The following VAV3 variants were observed in gnomAD, a reference collection of about 807,000 sequenced individuals.
VAV3 encodes guanine nucleotide exchange factor VAV3.
VAV3 carries 94 observed loss-of-function variants against 131.2 expected under a neutral mutation model. That is an observed-to-expected ratio of 0.72 (90% confidence interval 0.61 to 0.85). The LOEUF is 0.85. Among genes scored for constraint, VAV3 ranks in the 40% least tolerant of loss-of-function variants. VAV3 has a pLI of 0.00. For synonymous variants in VAV3, 349 were observed against 342.0 expected, an observed-to-expected ratio of 1.02 and a Z score of -0.22; for missense variants, 939 against 1,002.7, an observed-to-expected ratio of 0.94 and a Z score of 0.86.
intron 2 of VAV3, among the ~76,000 whole-genome samples, chr1:107,842,440 T>C (rs569910538): frequency 6.6e-6 from 1 of 152,332 alleles, no homozygotes; most frequent in African/African-American, 2.4e-5. Context: ...GGTGTGTCTC[T>C]TATAAACAGT....
chr1:107,641,446 T>A (rs777803424), intron 20 of VAV3, among the ~76,000 whole-genome samples: 1 of 152,144 alleles, frequency 6.6e-6, no homozygotes, highest in Non-Finnish European at 1.5e-5. Flanking sequence ...CTCAACATCA[T>A]TGGGAAATAT....
chr1:107,920,604 G>C (rs1672847580), intron 1 of VAV3, among the ~76,000 whole-genome samples: 1 of 152,164 alleles, frequency 6.6e-6, no homozygotes, highest in Non-Finnish European at 1.5e-5. Context: ...CCACTTCTTT[G>C]ATGAAAAAGC....
intron 1 of VAV3, among the ~76,000 whole-genome samples, chr1:107,876,081 T>G (rs1670483065): frequency 6.6e-6 from 1 of 152,098 alleles, no homozygotes; most frequent in African/African-American, 2.4e-5. Flanking sequence ...CAAAGGAGTC[T>G]TAGTAAGAGT....
chr1:107,574,161 C>A lies in VAV3; in HGVS notation c.2388G>T (p.Arg796=). Residue 796 remains arginine (R), a synonymous_variant, in exon 26 of 27, where the codon CGG becomes CGT. Transcript: ENST00000370056. Reference sequence around the variant, plus strand: ...TCATATCTCTTGCACAGAAGTCATACCGAGCGATGGCAATGCCCAGCACTT... The same window carrying A: ...TCATATCTCTTGCACAGAAGTCATAACGAGCGATGGCAATGCCCAGCACTT... ...SPKVLGIAIA[R]YDFCARDMRE... is the part of the protein sequence containing the mutation. The A allele has an allele frequency of 1.9e-6, 3 of 1,613,990 alleles. No homozygotes were observed. Among genetic ancestry groups the A allele is most frequent in the Non-Finnish European group, 2.5e-6 (3 of 1,179,966 alleles).
chr1:107,716,558 C>G (rs1246354021), intron 15 of VAV3, among the ~76,000 whole-genome samples: 3 of 152,200 alleles, frequency 2.0e-5, no homozygotes, highest in Admixed American at 6.5e-5. Flanking sequence ...ATATGTTGAA[C>G]CAGCCTTGCA....
At chr1:107,721,460 A>T (rs531478625) in intron 15 of VAV3, among the ~76,000 whole-genome samples, 1 of 152,302 alleles carries the variant, frequency 6.6e-6, no homozygotes, top group African/African-American at 2.4e-5. Flanking sequence ...AAAATGAGGT[A>T]TTCCCATGTT....
At chr1:107,658,970 A>G (rs529140505) in intron 19 of VAV3, among the ~76,000 whole-genome samples, 1 of 152,130 alleles carries the variant, frequency 6.6e-6, no homozygotes, top group East Asian at 1.9e-4. Flanking sequence ...CCCATTTGTC[A>G]ATTTTGGCTT....
chr1:107,579,997 A>T (rs1386042452), intron 25 of VAV3, among the ~76,000 whole-genome samples: 1 of 152,176 alleles, frequency 6.6e-6, no homozygotes, highest in African/African-American at 2.4e-5. Flanking sequence ...GACAATCCAG[A>T]CAACACTCTG....
intron 2 of VAV3, among the ~76,000 whole-genome samples, chr1:107,801,035 G>C (rs1221635557): frequency 6.6e-6 from 1 of 151,998 alleles, no homozygotes; most frequent in Non-Finnish European, 1.5e-5. Context: ...TTCTACATAT[G>C]GTTATCCAGT....
intron 15 of VAV3, among the ~76,000 whole-genome samples, chr1:107,715,157 T>C (rs114445903): frequency 0.014 from 2,099 of 152,262 alleles, 48 homozygotes; most frequent in African/African-American, 0.048. Context: ...CTTCCTACCA[T>C]ACAAGGCCAA....
intron 20 of VAV3, 31 bp from the exon 21 acceptor site, chr1:107,617,663 G>C: frequency 6.2e-7 from 1 of 1,600,658 alleles, no homozygotes; most frequent in East Asian, 2.2e-5. Context: ...CCAGTGTTGA[G>C]AACAAATTTA....
At chr1:107,876,662 CAA>C (rs1346382030) in intron 1 of VAV3, among the ~76,000 whole-genome samples, 1 of 151,996 alleles carries the variant, frequency 6.6e-6, no homozygotes, top group Admixed American at 6.6e-5. Flanking sequence ...CTTAAAAAAA[CAA>C]AAGTTAAAAT....
chr1:107,690,278 C>T (rs1443622628), intron 17 of VAV3, among the ~76,000 whole-genome samples: 1 of 152,156 alleles, frequency 6.6e-6, no homozygotes, highest in Non-Finnish European at 1.5e-5. Flanking sequence ...AGTTGTCACA[C>T]CATGTTCCAT....
At chr1:107,765,196 G>T in intron 8 of VAV3, 21 bp from the exon 9 acceptor site, 3 of 1,583,322 alleles carry the variant, frequency 1.9e-6, no homozygotes, top group Non-Finnish European at 2.6e-6. Context: ...AAAAAGACAA[G>T]AAATCTCTAA....
chr1:107,585,697 C>T (rs1017626319), intron 25 of VAV3, among the ~76,000 whole-genome samples: 3 of 151,888 alleles, frequency 2.0e-5, no homozygotes, highest in Admixed American at 2.0e-4. Flanking sequence ...GTCATGGATC[C>T]ACACCACTAG....
At chr1:107,737,258 G>C (rs1248403079) in intron 15 of VAV3, among the ~76,000 whole-genome samples, 1 of 152,148 alleles carries the variant, frequency 6.6e-6, no homozygotes, top group Non-Finnish European at 1.5e-5. Context: ...AACCCTAGAA[G>C]AAAACCTAGG....
intron 1 of VAV3, among the ~76,000 whole-genome samples, chr1:107,892,818 T>C (rs1230445948): frequency 6.6e-6 from 1 of 152,196 alleles, no homozygotes; most frequent in Non-Finnish European, 1.5e-5. Context: ...AAGACAAAGA[T>C]AACCTTTTTC....
At chr1:107,883,913 C>T (rs1440191532) in intron 1 of VAV3, among the ~76,000 whole-genome samples, 1 of 152,198 alleles carries the variant, frequency 6.6e-6, no homozygotes, top group Non-Finnish European at 1.5e-5. Context: ...GGAAGACAAG[C>T]AGCATCTTTA....
intron 20 of VAV3, among the ~76,000 whole-genome samples, chr1:107,619,973 C>T (rs1653444891): frequency 6.6e-6 from 1 of 152,164 alleles, no homozygotes; most frequent in African/African-American, 2.4e-5. Context: ...TCATCTCTTC[C>T]CCAAGGAGCA....
Sources: gnomAD v4.1 joint callset for allele counts (sites outside exome capture counted in the v4.1 genomes callset) on GRCh38, gnomAD v4.1.1 for gene constraint, MANE v1.5 for transcripts, NCBI Gene and HGNC (gene_info 2026-07-23, HGNC 2026-07-21) for gene names.